Variants in CYB561D1 observed in about 807,000 individuals in gnomAD.
CYB561D1 encodes cytochrome b561 family member D1.
Under a neutral mutation model 19.2 loss-of-function variants are expected in CYB561D1, and 15 were observed. The ratio of observed to expected loss-of-function variants is 0.78; its 90% CI spans 0.52 to 1.20. The LOEUF is 1.20. Ranked by LOEUF, CYB561D1 falls within the 50% of genes most tolerant of loss-of-function variation. The pLI, the probability that CYB561D1 is intolerant of heterozygous loss-of-function variation, is 0.00. For missense variants in CYB561D1, 297 were observed against 287.3 expected, an observed-to-expected ratio of 1.03 and a Z score of -0.24; for synonymous variants, 133 against 120.6, an observed-to-expected ratio of 1.10 and a Z score of -0.68.
rs1657832508 is a variant in CYB561D1, at chr1:109,500,389, T to C, written c.*4130T>C. On this transcript the variant is annotated 3_prime_UTR_variant, in exon 3 of 3. Transcript: ENST00000420578. ...GGTTTGATGAGAGAATGAATGTTAATAGGAATTGGAAAATTCAAAGCATTA... is the reference window on the plus strand; with the variant it reads ...GGTTTGATGAGAGAATGAATGTTAACAGGAATTGGAAAATTCAAAGCATTA... 1.3e-5 allele frequency: 2 copies of C among 152,222 alleles called. No homozygotes were observed. The highest frequency in any genetic ancestry group is 2.4e-5 in the African/African-American group (1 of 41,450). 9.4% of individuals were successfully genotyped at this position (152,222 alleles called of 1,614,324 possible).
intron 2 of CYB561D1, 45 bp downstream of exon 2, chr1:109,495,225 C>T: frequency 6.2e-7 from 1 of 1,606,320 alleles, no homozygotes; most frequent in Non-Finnish European, 8.5e-7. Flanking sequence ...TTCCTCACCT[C>T]ATTCTCCCAG....
rs1657613421 is a variant in CYB561D1 at position 109,497,176 on chromosome 1, C to T, written c.*917C>T. The stretch of plus-strand genomic sequence containing the variant: ...GAGGGCTGCAGGGCCTGCGTGCGCT[C>T]CCTCCCCCGAAATCACTTCTCAGGG... On this transcript the variant is annotated 3_prime_UTR_variant, in exon 3 of 3. Coordinates refer to ENST00000420578, the MANE Select transcript of CYB561D1 (RefSeq NM_182580.3). 1 of 152,618 alleles carries T rather than the reference C, an allele frequency of 6.6e-6. No individual in the cohort carries two copies. Among genetic ancestry groups the T allele is most frequent in the African/African-American group, 2.4e-5 (1 of 41,462 alleles). The allele number at this position is 152,618 out of a possible 1,614,324, so 9.5% of individuals were successfully genotyped here.
chr1:109,498,482 A>G lies in CYB561D1; in HGVS notation c.*2223A>G, dbSNP rs1197881169. The G allele has an allele frequency of 6.6e-6, 1 of 152,194 alleles. No individual in the cohort carries two copies. Among genetic ancestry groups the G allele is most frequent in the Non-Finnish European group, 1.5e-5 (1 of 68,080 alleles). The allele number at this position is 152,194 out of a possible 1,614,324, so 9.4% of individuals were successfully genotyped here. ...ACTGCAGTGTAGGGAATAGGTCACCAGGAGGAGCCCTTCATCCTGGCAGGC... is the reference window on the plus strand; with the variant it reads ...ACTGCAGTGTAGGGAATAGGTCACCGGGAGGAGCCCTTCATCCTGGCAGGC... On this transcript the variant is annotated 3_prime_UTR_variant, in exon 3 of 3. Coordinates refer to ENST00000420578, the MANE Select transcript of CYB561D1 (RefSeq NM_182580.3).
intron 1 of CYB561D1, 25 bp downstream of exon 1, chr1:109,494,312 G>GCCTT (rs2101047240): frequency 6.4e-7 from 1 of 1,559,168 alleles, no homozygotes; most frequent in Non-Finnish European, 8.7e-7. Flanking sequence ...CGGGGTTGCG[G>GCCTT]AAGGGGGCGG....
intron 1 of CYB561D1, chr1:109,494,742 G>A (rs1475046530): frequency 6.3e-6 from 3 of 474,856 alleles, no homozygotes; most frequent in African/African-American, 6.1e-5. Context: ...GAGGCTGAGG[G>A]AGGAGAATCG....
At position 109,496,535 on chromosome 1, in the gene CYB561D1, T is replaced by C. The variant is rs57859464; in HGVS notation, c.*276T>C. The stretch of plus-strand genomic sequence containing the variant: ...TTGGGTGGTGATAGTGATGTGCTGG[T>C]GGTCATTTCTTGCTTGTGTGCCTGA... On this transcript the variant is annotated 3_prime_UTR_variant, in exon 3 of 3. Coordinates refer to ENST00000420578, the MANE Select transcript of CYB561D1 (RefSeq NM_182580.3). 5.2e-3 allele frequency: 1,556 copies of C among 297,724 alleles called. 24 individuals carry two copies. The highest frequency in any genetic ancestry group is 0.031 in the African/African-American group (1,449 of 46,096). 18.4% of individuals were successfully genotyped at this position (297,724 alleles called of 1,614,324 possible). A position where few individuals can be genotyped will look rare whatever the true frequency, so the allele number is the denominator to read the frequency against.
rs1244345310 is a variant in CYB561D1, at chr1:109,498,071, C to G, written c.*1812C>G. The G allele has an allele frequency of 1.3e-5, 2 of 152,254 alleles. No individual in the cohort carries two copies. The highest frequency in any genetic ancestry group is 4.8e-5 in the African/African-American group (2 of 41,444). 9.4% of individuals were successfully genotyped at this position (152,254 alleles called of 1,614,324 possible). On this transcript the variant is annotated 3_prime_UTR_variant, in exon 3 of 3. Coordinates refer to ENST00000420578, the MANE Select transcript of CYB561D1 (RefSeq NM_182580.3). ...GAATTTCACCTGCGGTGATTTTGAT[C>G]CAGGGACTGCATCTCCTCTTTCCTC... is the stretch of plus-strand genomic sequence containing the variant.
At chr1:109,494,388 A>T in intron 1 of CYB561D1, 101 bp downstream of exon 1, 1 of 1,529,696 alleles carries the variant, frequency 6.5e-7, no homozygotes, top group African/African-American at 1.4e-5. Flanking sequence ...CCCCAGCAGT[A>T]AAGGGGAGAC....
chr1:109,494,386 G>C, intron 1 of CYB561D1, 99 bp downstream of exon 1: 3 of 1,528,762 alleles, frequency 2.0e-6, no homozygotes, highest in Non-Finnish European at 2.6e-6. Flanking sequence ...GACCCCAGCA[G>C]TAAAGGGGAG....
rs1239314299 is a variant in CYB561D1 at position 109,499,041 on chromosome 1, A to G, written c.*2782A>G. ...CATTAGAAATATAGATGGCTTCTGT[A>G]TCCAAATCTGAATGGAAATGAGATT... On this transcript the variant is annotated 3_prime_UTR_variant, in exon 3 of 3. Coordinates refer to ENST00000420578, the MANE Select transcript of CYB561D1 (RefSeq NM_182580.3). 6.6e-6 allele frequency: 1 copy of G among 152,126 alleles called. No homozygotes were observed. Among genetic ancestry groups the G allele is most frequent in the African/African-American group, 2.4e-5 (1 of 41,406 alleles). The allele number at this position is 152,126 out of a possible 1,614,324, so 9.4% of individuals were successfully genotyped here.
In CYB561D1 at chr1:109,496,299, G is replaced by C; in HGVS notation, c.*40G>C. 1.3e-6 allele frequency: 2 copies of C among 1,526,140 alleles called. No homozygotes were observed. The highest frequency in any genetic ancestry group is 1.8e-6 in the Non-Finnish European group (2 of 1,133,000). The allele number at this position is 1,526,140 out of a possible 1,614,324, so 94.5% of individuals were successfully genotyped here. ...TGAATCTAGGTGGGACGCTTGCCTT[G>C]AACATCATGGTTCCTTTGGTGATCT... On this transcript the variant is annotated 3_prime_UTR_variant, in exon 3 of 3. Coordinates refer to ENST00000420578, the MANE Select transcript of CYB561D1 (RefSeq NM_182580.3).
In CYB561D1 at chr1:109,497,988, T is replaced by C. The variant is rs986022870; in HGVS notation, c.*1729T>C. 6.6e-6 allele frequency: 1 copy of C among 152,242 alleles called. No individual in the cohort carries two copies. Among genetic ancestry groups the C allele is most frequent in the Non-Finnish European group, 1.5e-5 (1 of 68,058 alleles). The allele number at this position is 152,242 out of a possible 1,614,324, so 9.4% of individuals were successfully genotyped here. Reference sequence around the variant, plus strand: ...CTGTCTCTTTCATTGTCCTCCCTCCTCTCAAACTCTCCAGTGTGGTGTGAA... The same window carrying C: ...CTGTCTCTTTCATTGTCCTCCCTCCCCTCAAACTCTCCAGTGTGGTGTGAA... On this transcript the variant is annotated 3_prime_UTR_variant, in exon 3 of 3. Transcript: ENST00000420578.
At chr1:109,495,681 T>G in intron 2 of CYB561D1, 75 bp from the exon 3 acceptor site, 1 of 1,612,808 alleles carries the variant, frequency 6.2e-7, no homozygotes. Context: ...TTTGTTAGGA[T>G]GTATGAGAGC....
Position 109,497,633 on chromosome 1 carries a change from A to G in CYB561D1, c.*1374A>G, listed in dbSNP as rs1365594035. ...AAGGCCTGACAACAGCTGAGCCAGG[A>G]AAGTGCTGCTGAGGCAAGTCGACAT... On this transcript the variant is annotated 3_prime_UTR_variant, in exon 3 of 3. Transcript: ENST00000420578. 2.6e-5 allele frequency: 4 copies of G among 152,248 alleles called. No homozygotes were observed. The highest frequency in any genetic ancestry group is 1.5e-5 in the Non-Finnish European group (1 of 68,088). The allele number at this position is 152,248 out of a possible 1,614,324, so 9.4% of individuals were successfully genotyped here.
intron 1 of CYB561D1, 116 bp from the exon 2 acceptor site, chr1:109,495,027 C>T: frequency 1.6e-6 from 2 of 1,261,938 alleles, no homozygotes; most frequent in East Asian, 2.3e-5. Context: ...GTTCCTGTGC[C>T]CGATTAGGAT....
Position 109,495,054 on chromosome 1 carries a change from C to T in CYB561D1, c.149-89C>T, listed in dbSNP as rs78723308. 768 of 1,474,108 alleles carry T rather than the reference C, an allele frequency of 5.2e-4. 8 individuals are homozygous for T. The African/African-American group carries it at 9.6e-3, about 18-fold the overall frequency. The allele number at this position is 1,474,108 out of a possible 1,614,324, so 91.3% of individuals were successfully genotyped here. A position where few individuals can be genotyped will look rare whatever the true frequency, so the allele number is the denominator to read the frequency against. On this transcript the variant is annotated intron_variant, in intron 1 of 2. Transcript: ENST00000420578. Reference sequence around the variant, plus strand: ...GATTAGGATTGGGGATGGTACTTTTCTCCTGTGGCTAGATTCTTTGGGTTC... The same window carrying T: ...GATTAGGATTGGGGATGGTACTTTTTTCCTGTGGCTAGATTCTTTGGGTTC...
chr1:109,495,987 G>C lies in CYB561D1; in HGVS notation c.418G>C (p.Val140Leu), dbSNP rs773029717. 6.2e-7 allele frequency: 1 copy of C among 1,610,336 alleles called. No individual in the cohort carries two copies. Among genetic ancestry groups the C allele is most frequent in the Admixed American group, 1.7e-5 (1 of 59,908 alleles). Residue 140 changes from valine (V) to leucine (L), a missense_variant, in exon 3 of 3, where the codon GTC becomes CTC. Val to Leu is a conservative substitution (Grantham distance 32). Transcript: ENST00000420578. ...AGCCCTGACACTGCTGGCCACTGCT[G>C]TCCAGGCACTGTGTGGGCTCTGCCT... is the stretch of plus-strand genomic sequence containing the variant. The part of the protein sequence containing the change: ...VGALTLLATA[V>L]QALCGLCLLC...
At chr1:109,495,122 C>G in intron 1 of CYB561D1, 21 bp from the exon 2 acceptor site, 2 of 1,614,160 alleles carry the variant, frequency 1.2e-6, no homozygotes, top group Non-Finnish European at 1.7e-6. Context: ...AAGCCCTCAG[C>G]CTGTTCTCTT....
In CYB561D1 at chr1:109,498,859, A is replaced by G. The variant is rs879164116; in HGVS notation, c.*2600A>G. 6.7e-6 allele frequency: 1 copy of G among 148,218 alleles called. No individual in the cohort carries two copies. The highest frequency in any genetic ancestry group is 1.5e-5 in the Non-Finnish European group (1 of 67,434). 9.2% of individuals were successfully genotyped at this position (148,218 alleles called of 1,614,324 possible). A position where few individuals can be genotyped will look rare whatever the true frequency, so the allele number is the denominator to read the frequency against. ...TCAGCCTGTTTTGCCTTTTTTTAAAAAAAAAAAAAAAGCCAGGGCAGGGTG... is the reference window on the plus strand; with the variant it reads ...TCAGCCTGTTTTGCCTTTTTTTAAAGAAAAAAAAAAAGCCAGGGCAGGGTG... On this transcript the variant is annotated 3_prime_UTR_variant, in exon 3 of 3. Coordinates refer to ENST00000420578, the MANE Select transcript of CYB561D1 (RefSeq NM_182580.3).
Sources: allele counts gnomAD v4.1 joint callset, GRCh38; gene constraint gnomAD v4.1.1; transcripts MANE v1.5; gene names NCBI Gene and HGNC (gene_info 2026-07-23, HGNC 2026-07-21).